Variants in CNTNAP2 observed in about 807,000 individuals in gnomAD.
CNTNAP2 encodes the protein contactin associated protein 2, also known as contactin-associated protein-like 2.
In CNTNAP2, 98 loss-of-function variants were observed where a neutral mutation model predicts 155.2. The observed-to-expected ratio is 0.63, with a 90% CI of 0.54 to 0.75. The LOEUF (loss-of-function observed/expected upper bound fraction) is 0.75. Among genes scored for constraint, CNTNAP2 ranks in the 30% least tolerant of loss-of-function variants. The probability of loss-of-function intolerance (pLI) is 0.00; values close to 1 mark genes in which losing one functional copy is unlikely to be tolerated. For synonymous variants in CNTNAP2, 651 were observed against 631.2 expected, an observed-to-expected ratio of 1.03 and a Z score of -0.47; for missense variants, 1,727 against 1,688.1, an observed-to-expected ratio of 1.02 and a Z score of -0.40.
At chr7:147,742,087 G>A (rs371234130) in intron 13 of CNTNAP2, among the ~76,000 whole-genome samples, 1 of 152,216 alleles carries the variant, frequency 6.6e-6, no homozygotes, top group African/African-American at 2.4e-5. Flanking sequence ...GATCTCGTGA[G>A]ACTTATTCAC....
At chr7:147,318,000 C>T (rs989119563) in intron 9 of CNTNAP2, among the ~76,000 whole-genome samples, 35 of 152,012 alleles carry the variant, frequency 2.3e-4, no homozygotes, top group African/African-American at 8.0e-4. Flanking sequence ...ATCTCTGATT[C>T]GAAGAATGAA....
chr7:146,602,406 A>G (rs941722141), intron 1 of CNTNAP2, among the ~76,000 whole-genome samples: 5 of 152,178 alleles, frequency 3.3e-5, no homozygotes, highest in African/African-American at 1.2e-4. Context: ...ACAGAGTAAG[A>G]TAAGAGATAG....
At chr7:146,607,661 G>A (rs2129153296) in intron 1 of CNTNAP2, among the ~76,000 whole-genome samples, 1 of 151,844 alleles carries the variant, frequency 6.6e-6, no homozygotes, top group Admixed American at 6.6e-5. Context: ...AATTTTTATA[G>A]AGTTGGGGGT....
intron 1 of CNTNAP2, among the ~76,000 whole-genome samples, chr7:146,566,946 T>C (rs1347989340): frequency 6.6e-6 from 1 of 152,170 alleles, no homozygotes; most frequent in Non-Finnish European, 1.5e-5. Flanking sequence ...TACTTATTTA[T>C]TTTTTATTTT....
At chr7:147,052,888 T>C (rs1210522156) in intron 4 of CNTNAP2, among the ~76,000 whole-genome samples, 7 of 152,104 alleles carry the variant, frequency 4.6e-5, no homozygotes, top group Non-Finnish European at 5.9e-5. Flanking sequence ...GTTTTCATGT[T>C]ATTAGATTTA....
At chr7:146,687,582 T>C (rs1375722822) in intron 1 of CNTNAP2, among the ~76,000 whole-genome samples, 1 of 104,074 alleles carries the variant, frequency 9.6e-6, no homozygotes, top group Non-Finnish European at 2.5e-5. Flanking sequence ...TACATGGATG[T>C]GGATTTGTGA....
At chr7:147,129,205 A>C (rs966205614) in intron 7 of CNTNAP2, among the ~76,000 whole-genome samples, 1 of 152,176 alleles carries the variant, frequency 6.6e-6, no homozygotes, top group African/African-American at 2.4e-5. Flanking sequence ...TTATGGTTTA[A>C]TTTAATATTT....
chr7:146,403,842 G>A (rs900368293), intron 1 of CNTNAP2, among the ~76,000 whole-genome samples: 7 of 152,146 alleles, frequency 4.6e-5, no homozygotes, highest in African/African-American at 1.7e-4. Flanking sequence ...TCGGTGTACT[G>A]AGATTCAGTC....
intron 1 of CNTNAP2, among the ~76,000 whole-genome samples, chr7:146,418,178 G>A (rs1795963436): frequency 6.6e-6 from 1 of 152,186 alleles, no homozygotes; most frequent in African/African-American, 2.4e-5. Context: ...ACTCATCACA[G>A]TTTTCAGCTA....
intron 1 of CNTNAP2, among the ~76,000 whole-genome samples, chr7:146,135,854 A>G (rs901325267): frequency 9.9e-5 from 15 of 152,078 alleles, no homozygotes; most frequent in Non-Finnish European, 8.8e-5. Context: ...ACCAAGGAAG[A>G]AAAAAATGCT....
chr7:146,210,058 G>C (rs114344890), intron 1 of CNTNAP2, among the ~76,000 whole-genome samples: 1 of 152,164 alleles, frequency 6.6e-6, no homozygotes, highest in Non-Finnish European at 1.5e-5. Context: ...GATTAAATCT[G>C]TTAGTGTTTT....
chr7:146,812,635 A>G lies in CNTNAP2; in HGVS notation c.209-27076A>G, dbSNP rs1803088743. On this transcript the variant is annotated intron_variant, in intron 2 of 23. Coordinates refer to ENST00000361727, the MANE Select transcript of CNTNAP2 (RefSeq NM_014141.6). The stretch of plus-strand genomic sequence containing the variant: ...GGAAAACTTGCAGCCCCACAGTGTG[A>G]TAGAAAAGAAAAACCCGTTTTCCAG... Among the ~76,000 whole-genome samples, 3 of 152,184 alleles carry G rather than the reference A, an allele frequency of 2.0e-5. No homozygotes were observed. The South Asian group carries it at 6.2e-4, about 32-fold the overall frequency.
chr7:148,271,501 G>A (rs1005322580), intron 21 of CNTNAP2, among the ~76,000 whole-genome samples: 5 of 152,252 alleles, frequency 3.3e-5, no homozygotes, highest in African/African-American at 1.2e-4. Context: ...GCGAGTCAGC[G>A]GTGACGCTGA....
chr7:146,784,374 C>T lies in CNTNAP2; in HGVS notation c.208+9993C>T, dbSNP rs527738067. 1.5e-3 allele frequency among the ~76,000 whole-genome samples: 231 copies of T among 152,112 alleles called. 1 individual carries two copies. Among genetic ancestry groups the T allele is most frequent in the African/African-American group, 5.4e-3 (223 of 41,498 alleles). On this transcript the variant is annotated intron_variant, in intron 2 of 23. Transcript: ENST00000361727. ...ACTGTCTAAAAGAGGGGGAAGTTTG[C>T]GAATAATTCATTATTATAATATGTT...
intron 13 of CNTNAP2, among the ~76,000 whole-genome samples, chr7:147,736,112 A>C (rs1463708538): frequency 6.6e-6 from 1 of 151,382 alleles, no homozygotes; most frequent in Non-Finnish European, 1.5e-5. Context: ...GTTTCTTCCT[A>C]GCCTTGATGG....
At chr7:146,158,390 C>A (rs1339738743) in intron 1 of CNTNAP2, among the ~76,000 whole-genome samples, 1 of 152,178 alleles carries the variant, frequency 6.6e-6, no homozygotes, top group Non-Finnish European at 1.5e-5. Context: ...TGGAGAATGA[C>A]TTTGATGAGT....
chr7:148,008,370 TCAAA>T (rs749699667), intron 15 of CNTNAP2, among the ~76,000 whole-genome samples: 35 of 152,212 alleles, frequency 2.3e-4, no homozygotes, highest in African/African-American at 7.0e-4. Flanking sequence ...AGACTCCATC[TCAAA>T]CAAACAAACA....
intron 1 of CNTNAP2, among the ~76,000 whole-genome samples, chr7:146,214,168 C>A (rs1222270457): frequency 1.3e-5 from 2 of 152,206 alleles, no homozygotes; most frequent in Non-Finnish European, 2.9e-5. Context: ...CTCTCATATT[C>A]TTTAAAACTC....
chr7:146,633,827 C>T (rs10230569), intron 1 of CNTNAP2, among the ~76,000 whole-genome samples: 1 of 51,490 alleles, frequency 1.9e-5, no homozygotes, highest in Non-Finnish European at 3.0e-5. Context: ...GAGACTGCAT[C>T]TAGAGAAAAA....
Sources: allele counts gnomAD v4.1 joint callset (sites outside exome capture counted in the v4.1 genomes callset), GRCh38; gene constraint gnomAD v4.1.1; transcripts MANE v1.5; gene names NCBI Gene and HGNC (gene_info 2026-07-23, HGNC 2026-07-21).